The following M1AP variants were observed in gnomAD, a reference collection of about 807,000 sequenced individuals.
The protein encoded by M1AP is meiosis 1 arrest protein.
A neutral mutation model predicts 51.2 loss-of-function variants in M1AP; 39 were observed. The ratio of observed to expected loss-of-function variants is 0.76; its 90% CI spans 0.59 to 1.00. M1AP has a LOEUF of 1.00. Ranked by LOEUF, M1AP falls within the 50% of genes least tolerant of loss-of-function variation. The pLI is 0.00. For synonymous variants in M1AP, 251 were observed against 249.2 expected (o/e 1.01, Z -0.07); for missense variants, 545 against 641.2 (o/e 0.85, Z 1.62).
At chr2:74,612,642 T>C (rs1326345934) in intron 3 of M1AP, among the ~76,000 whole-genome samples, 1 of 152,222 alleles carries the variant, frequency 6.6e-6, no homozygotes, top group Non-Finnish European at 1.5e-5. Flanking sequence ...TTTTTTGATG[T>C]AGGCGTTTAT....
At chr2:74,611,725 G>C (rs560583207) in intron 3 of M1AP, among the ~76,000 whole-genome samples, 1 of 151,324 alleles carries the variant, frequency 6.6e-6, no homozygotes, top group Admixed American at 6.6e-5. Context: ...CCAGCTATTC[G>C]GGAAGCTGAG....
intron 2 of M1AP, among the ~76,000 whole-genome samples, chr2:74,618,317 C>T (rs896427041): frequency 4.6e-5 from 7 of 152,196 alleles, no homozygotes; most frequent in Non-Finnish European, 8.8e-5. Flanking sequence ...GCGTGCAGGG[C>T]CATGTCCTCC....
intron 10 of M1AP, among the ~76,000 whole-genome samples, chr2:74,559,449 C>A (rs557872036): frequency 1.3e-5 from 2 of 152,236 alleles, no homozygotes; most frequent in South Asian, 4.1e-4. Flanking sequence ...CATAAGCCAC[C>A]GTGCCCGGCC....
intron 4 of M1AP, among the ~76,000 whole-genome samples, chr2:74,583,107 T>C (rs1679510861): frequency 1.3e-5 from 2 of 151,780 alleles, no homozygotes; most frequent in Admixed American, 6.6e-5. Context: ...CCCCAAAACA[T>C]TCTAGAATAT....
chr2:74,599,716 C>T (rs1026098150), intron 4 of M1AP, among the ~76,000 whole-genome samples: 3 of 151,966 alleles, frequency 2.0e-5, no homozygotes, highest in African/African-American at 7.3e-5. Flanking sequence ...ATCTTTACTT[C>T]TAAAATATAG....
intron 4 of M1AP, among the ~76,000 whole-genome samples, chr2:74,594,150 T>A (rs958497980): frequency 1.3e-5 from 2 of 152,178 alleles, no homozygotes; most frequent in Non-Finnish European, 2.9e-5. Context: ...CAAAGTTAAT[T>A]TTCTGAAAAA....
At chr2:74,621,613 G>A (rs1309301586) in intron 2 of M1AP, among the ~76,000 whole-genome samples, 1 of 150,160 alleles carries the variant, frequency 6.7e-6, no homozygotes, top group Non-Finnish European at 1.5e-5. Flanking sequence ...GTGAAACCCC[G>A]TCTCTACAAA....
At chr2:74,558,910 C>T in intron 10 of M1AP, 36 bp from the exon 11 acceptor site, 1 of 1,554,814 alleles carries the variant, frequency 6.4e-7, no homozygotes, top group Admixed American at 2.2e-5. Flanking sequence ...CTCTGAAGAT[C>T]AGAGTTTCTG....
At chr2:74,602,732 T>C (rs1680743583) in intron 4 of M1AP, among the ~76,000 whole-genome samples, 1 of 152,144 alleles carries the variant, frequency 6.6e-6, no homozygotes. Flanking sequence ...TTTTGAGCAA[T>C]GAGTCATATA....
intron 4 of M1AP, among the ~76,000 whole-genome samples, chr2:74,604,127 A>G (rs1680833003): frequency 6.6e-6 from 1 of 152,210 alleles, no homozygotes; most frequent in African/African-American, 2.4e-5. Context: ...CAAATGTTTT[A>G]GCATGGTATA....
chr2:74,559,786 T>A (rs994639828), intron 9 of M1AP, 77 bp from the exon 10 acceptor site: 2 of 711,024 alleles, frequency 2.8e-6, no homozygotes, highest in Non-Finnish European at 5.2e-6. Context: ...GCTCTATAAA[T>A]ATTAATTTCC....
At chr2:74,646,757 T>C (rs1163012249) in intron 1 of M1AP, among the ~76,000 whole-genome samples, 4 of 152,228 alleles carry the variant, frequency 2.6e-5, no homozygotes, top group African/African-American at 9.6e-5. Flanking sequence ...CATTTCCCTA[T>C]ACAGTTAGTA....
chr2:74,587,261 C>T (rs1163955298), intron 4 of M1AP, among the ~76,000 whole-genome samples: 8 of 151,392 alleles, frequency 5.3e-5, no homozygotes, highest in South Asian at 2.1e-4. Flanking sequence ...TGCAGTGGCG[C>T]GATCTCGGCT....
chr2:74,623,164 T>C (rs1176650494), intron 2 of M1AP, among the ~76,000 whole-genome samples: 1 of 152,264 alleles, frequency 6.6e-6, no homozygotes, highest in East Asian at 1.9e-4. Context: ...CCACTGTATG[T>C]CATCTCTAAT....
chr2:74,600,174 G>A (rs1304355840), intron 4 of M1AP, among the ~76,000 whole-genome samples: 1 of 152,050 alleles, frequency 6.6e-6, no homozygotes, highest in Non-Finnish European at 1.5e-5. Context: ...TATCTCAACT[G>A]AAAAACCCTG....
intron 1 of M1AP, chr2:74,647,529 T>TC (rs1683680100): frequency 2.5e-6 from 1 of 392,482 alleles, no homozygotes; most frequent in Admixed American, 6.4e-5. Context: ...AAATCTCATT[T>TC]CCCCCTCCTG....
In M1AP at chr2:74,581,658, T is replaced by A. The variant is rs759620255; in HGVS notation, c.769+16A>T. 4 of 1,608,906 alleles carry A rather than the reference T, an allele frequency of 2.5e-6. No individual in the cohort carries two copies. The highest frequency in any genetic ancestry group is 1.3e-5 in the African/African-American group (1 of 74,772). ...AAGAATAATCATAGCCTAAATATCT[T>A]TTGGGGATTATGTACTTGGATTATC... On this transcript the variant is annotated intron_variant, in intron 5 of 10. Coordinates refer to ENST00000421985, the MANE Select transcript of M1AP (RefSeq NM_001321739.2).
At chr2:74,565,400 A>G (rs1573062232) in intron 7 of M1AP, among the ~76,000 whole-genome samples, 2 of 152,242 alleles carry the variant, frequency 1.3e-5, no homozygotes, top group East Asian at 3.8e-4. Context: ...AGCAACATAT[A>G]AAATGAATTA....
At chr2:74,611,433 ATTTCT>A (rs2104721081) in intron 3 of M1AP, among the ~76,000 whole-genome samples, 1 of 152,220 alleles carries the variant, frequency 6.6e-6, no homozygotes, top group Admixed American at 6.5e-5. Flanking sequence ...GAATGTATCC[ATTTCT>A]TTTAAGTTTT....
Sources: allele counts gnomAD v4.1 joint callset (sites outside exome capture counted in the v4.1 genomes callset), GRCh38; gene constraint gnomAD v4.1.1; transcripts MANE v1.5; gene names NCBI Gene and HGNC (gene_info 2026-07-23, HGNC 2026-07-21).